Variants in COL6A6 observed in about 807,000 individuals in gnomAD.
COL6A6 encodes the protein collagen type VI alpha 6 chain.
In COL6A6, 183 loss-of-function variants were observed where a neutral mutation model predicts 208.6. The observed-to-expected ratio is 0.88, with a 90% CI of 0.78 to 0.99. The LOEUF is 0.99. Ranked by LOEUF, COL6A6 falls within the 50% of genes least tolerant of loss-of-function variation. The probability of loss-of-function intolerance (pLI) is 0.00; values close to 1 mark genes in which losing one functional copy is unlikely to be tolerated. For missense variants in COL6A6, 2,816 were observed against 2,815.2 expected (o/e 1.00, Z -0.01); for synonymous variants, 973 against 1,011.8 (o/e 0.96, Z 0.73).
At chr3:130,602,727 A>G (rs765193576) in intron 20 of COL6A6, among the ~76,000 whole-genome samples, 1 of 152,232 alleles carries the variant, frequency 6.6e-6, no homozygotes, top group Non-Finnish European at 1.5e-5. Flanking sequence ...AAAAAGTTTA[A>G]TATGGTTGCT....
intron 24 of COL6A6, among the ~76,000 whole-genome samples, chr3:130,625,204 TCTC>T: frequency 6.6e-6 from 1 of 152,114 alleles, no homozygotes; most frequent in East Asian, 1.9e-4. Context: ...AGGCAGATGA[TCTC>T]CTGCTTCCCT....
intron 8 of COL6A6, among the ~76,000 whole-genome samples, chr3:130,576,072 A>T (rs936951445): frequency 6.6e-6 from 1 of 152,154 alleles, no homozygotes; most frequent in Non-Finnish European, 1.5e-5. Context: ...TCTTCTACTC[A>T]GCCATATCAG....
At chr3:130,611,686 A>G (rs2108219094) in intron 23 of COL6A6, among the ~76,000 whole-genome samples, 1 of 152,362 alleles carries the variant, frequency 6.6e-6, no homozygotes, top group African/African-American at 2.4e-5. Flanking sequence ...TAGTTGAACC[A>G]GGCAGTCCAA....
At position 130,624,830 on chromosome 3, in the gene COL6A6, C is replaced by T. The variant is rs149055585; in HGVS notation, c.4879-1655C>T. Reference sequence around the variant, plus strand: ...CCCAGGGTGGACTGGGCACTCTAGACTCATGATTCACTGAGATAAACCTCA... The same window carrying T: ...CCCAGGGTGGACTGGGCACTCTAGATTCATGATTCACTGAGATAAACCTCA... On this transcript the variant is annotated intron_variant, in intron 24 of 36. Transcript: ENST00000358511. Among the ~76,000 whole-genome samples, 668 of 152,248 alleles carry T rather than the reference C, an allele frequency of 4.4e-3. 7 individuals carry two copies. The highest frequency in any genetic ancestry group is 0.015 in the African/African-American group (621 of 41,556).
intron 7 of COL6A6, 81 bp downstream of exon 7, chr3:130,571,474 A>G (rs2063166272): frequency 9.8e-7 from 1 of 1,019,162 alleles, no homozygotes; most frequent in Non-Finnish European, 1.4e-6. Context: ...GCTCTCAGGA[A>G]CAAGTTTTCC....
In COL6A6 at chr3:130,656,414, G is replaced by A. The variant is rs1052993064; in HGVS notation, c.5734-2262G>A. 4.7e-5 allele frequency among the ~76,000 whole-genome samples: 7 copies of A among 150,290 alleles called. No individual in the cohort carries two copies. In the East Asian group the frequency reaches 9.7e-4, roughly 21 times the overall value. ...TCTCCTGATGAGTGTCTGGCTCTCAGCAGAGAGGAGGCCCTGGGGTGGGTA... is the reference window on the plus strand; with the variant it reads ...TCTCCTGATGAGTGTCTGGCTCTCAACAGAGAGGAGGCCCTGGGGTGGGTA... On this transcript the variant is annotated intron_variant, in intron 33 of 36. Transcript: ENST00000358511.
intron 33 of COL6A6, among the ~76,000 whole-genome samples, chr3:130,658,236 CTT>C (rs1181145862): frequency 1.3e-5 from 2 of 152,172 alleles, no homozygotes; most frequent in Non-Finnish European, 2.9e-5. Flanking sequence ...GCTTCAGTGT[CTT>C]TTGATCGGTC....
Position 130,676,525 on chromosome 3 carries a change from T to G in COL6A6, c.*1128T>G, listed in dbSNP as rs923058457. The G allele has an allele frequency of 1.3e-5, 2 of 152,200 alleles. No homozygotes were observed. Among genetic ancestry groups the G allele is most frequent in the Admixed American group, 6.5e-5 (1 of 15,282 alleles). 9.4% of individuals were successfully genotyped at this position (152,200 alleles called of 1,614,324 possible). A position where few individuals can be genotyped will look rare whatever the true frequency, so the allele number is the denominator to read the frequency against. On this transcript the variant is annotated 3_prime_UTR_variant, in exon 37 of 37. Transcript: ENST00000358511. ...CTCAGTCTAAGAGCTGGCTCCACAG[T>G]TGGTAGCAATGGCCCTGTTAGGCAG... is the stretch of plus-strand genomic sequence containing the variant.
intron 18 of COL6A6, among the ~76,000 whole-genome samples, chr3:130,595,143 T>C (rs1191790490): frequency 2.6e-5 from 4 of 151,964 alleles, no homozygotes; most frequent in Non-Finnish European, 5.9e-5. Flanking sequence ...GGCACTGCCC[T>C]TGCAGGAGCA....
intron 19 of COL6A6, among the ~76,000 whole-genome samples, chr3:130,598,800 A>G (rs2063920824): frequency 6.6e-6 from 1 of 152,220 alleles, no homozygotes; most frequent in Admixed American, 6.5e-5. Context: ...AAAAAGACAT[A>G]TTAGTAGTAC....
chr3:130,595,984 G>A (rs1415664880), intron 18 of COL6A6, among the ~76,000 whole-genome samples: 1 of 152,176 alleles, frequency 6.6e-6, no homozygotes, highest in Non-Finnish European at 1.5e-5. Flanking sequence ...GCAATACCAA[G>A]TGCTGATAAG....
intron 26 of COL6A6, among the ~76,000 whole-genome samples, chr3:130,628,854 A>T (rs2064974698): frequency 8.6e-6 from 1 of 116,252 alleles, no homozygotes; most frequent in South Asian, 2.7e-4. Context: ...TTAGAAGGAA[A>T]ACTAACAACC....
chr3:130,651,226 G>C (rs1326097011), intron 33 of COL6A6, among the ~76,000 whole-genome samples: 2 of 152,056 alleles, frequency 1.3e-5, no homozygotes, highest in Non-Finnish European at 1.5e-5. Context: ...CAGAGATTGA[G>C]ACTATCCTGG....
intron 1 of COL6A6, among the ~76,000 whole-genome samples, chr3:130,547,766 AG>A (rs2062550235): frequency 2.0e-5 from 3 of 152,216 alleles, no homozygotes; most frequent in African/African-American, 7.2e-5. Context: ...TTTATCCATA[AG>A]AGCCATTAGC....
At position 130,585,762 on chromosome 3, in the gene COL6A6, C is replaced by T. The variant is rs1418283580; in HGVS notation, c.3971-744C>T. 2.0e-5 allele frequency among the ~76,000 whole-genome samples: 3 copies of T among 152,154 alleles called. No individual in the cohort carries two copies. The East Asian group carries it at 5.8e-4, about 29-fold the overall frequency. On this transcript the variant is annotated intron_variant, in intron 10 of 36. Coordinates refer to ENST00000358511, the MANE Select transcript of COL6A6 (RefSeq NM_001102608.3). Reference sequence around the variant, plus strand: ...ATAGGTGCAACTGGGTTATTGATGTCTTATCAGATCGTACAGAGCTGTGCT... The same window carrying T: ...ATAGGTGCAACTGGGTTATTGATGTTTTATCAGATCGTACAGAGCTGTGCT...
At chr3:130,665,828 G>A (rs753203078) in intron 36 of COL6A6, among the ~76,000 whole-genome samples, 4 of 152,124 alleles carry the variant, frequency 2.6e-5, no homozygotes, top group South Asian at 4.1e-4. Context: ...CAAAACCATC[G>A]CGTGACAGGT....
At chr3:130,582,866 G>A (rs1292137405) in intron 10 of COL6A6, among the ~76,000 whole-genome samples, 1 of 152,188 alleles carries the variant, frequency 6.6e-6, no homozygotes, top group African/African-American at 2.4e-5. Flanking sequence ...TCCTTGGGCA[G>A]CAGATAAGAT....
intron 1 of COL6A6, among the ~76,000 whole-genome samples, chr3:130,539,244 T>A (rs1233307403): frequency 6.6e-6 from 1 of 152,226 alleles, no homozygotes; most frequent in East Asian, 1.9e-4. Context: ...AGTGACAACT[T>A]CTCAATGTGG....
intron 6 of COL6A6, among the ~76,000 whole-genome samples, chr3:130,570,288 T>TC (rs1484498760): frequency 6.6e-6 from 1 of 152,032 alleles, no homozygotes; most frequent in East Asian, 1.9e-4. Context: ...TTCAAAAAAG[T>TC]CAAAAAGTGA....
Sources: allele counts gnomAD v4.1 joint callset (sites outside exome capture counted in the v4.1 genomes callset), GRCh38; gene constraint gnomAD v4.1.1; transcripts MANE v1.5; gene names NCBI Gene and HGNC (gene_info 2026-07-23, HGNC 2026-07-21).